Variants in BMP3 observed in about 807,000 individuals in gnomAD.
BMP3 encodes the protein bone morphogenetic protein 3 (osteogenic).
In BMP3, 23 loss-of-function variants were observed where a neutral mutation model predicts 38.1. The observed-to-expected ratio is 0.60, with a 90% CI of 0.43 to 0.86. BMP3 has a LOEUF of 0.86. Ranked by LOEUF, BMP3 falls within the 40% of genes least tolerant of loss-of-function variation. The probability of loss-of-function intolerance (pLI) is 0.00; values close to 1 mark genes in which losing one functional copy is unlikely to be tolerated. For missense variants in BMP3, 628 were observed against 579.6 expected, an observed-to-expected ratio of 1.08 and a Z score of -0.86; for synonymous variants, 258 against 225.7, an observed-to-expected ratio of 1.14 and a Z score of -1.28.
At chr4:81,032,591 G>A (rs1106107) in intron 1 of BMP3, among the ~76,000 whole-genome samples, 103,343 of 152,176 alleles carry the variant, frequency 0.68, 39,676 homozygotes, top group Non-Finnish European at 0.85. Context: ...TGCAAAGCCT[G>A]TCTTCAGTGA....
In BMP3 at chr4:81,046,378, G is replaced by A. The variant is rs61729827; in HGVS notation, c.957G>A (p.Lys319=). 1.9e-4 allele frequency: 314 copies of A among 1,613,976 alleles called. 1 individual carries two copies. The Middle Eastern group carries it at 2.1e-3, about 11-fold the overall frequency. ...AGGATGAGGTGTGGGAGGAGAGAAAGCCTTACAAGACCCTTCAGGCTCAGG... is the reference window on the plus strand; with the variant it reads ...AGGATGAGGTGTGGGAGGAGAGAAAACCTTACAAGACCCTTCAGGCTCAGG... ...YKKDEVWEER[K]PYKTLQAQAP... is the part of the protein sequence containing the mutation. The change falls in exon 2 of 3, where the codon AAG becomes AAA. Residue 319 remains lysine (K), a synonymous_variant. Transcript: ENST00000282701.
chr4:81,037,934 G>T (rs1053283668), intron 1 of BMP3, among the ~76,000 whole-genome samples: 19 of 152,004 alleles, frequency 1.2e-4, no homozygotes, highest in South Asian at 2.1e-4. Context: ...TAGACCCGCG[G>T]AATCAAACTC....
chr4:81,050,796 AAG>A (rs1338510307), intron 2 of BMP3, among the ~76,000 whole-genome samples: 1 of 152,150 alleles, frequency 6.6e-6, no homozygotes, highest in African/African-American at 2.4e-5. Context: ...CCTCATTAGA[AAG>A]AGCTGGTAAG....
chr4:81,048,097 T>A (rs1349734277), intron 2 of BMP3, among the ~76,000 whole-genome samples: 1 of 152,156 alleles, frequency 6.6e-6, no homozygotes, highest in East Asian at 1.9e-4. Flanking sequence ...CATTTTATGT[T>A]TCATAAACCC....
chr4:81,043,119 A>G (rs1740122968), intron 1 of BMP3, among the ~76,000 whole-genome samples: 1 of 152,202 alleles, frequency 6.6e-6, no homozygotes, highest in Non-Finnish European at 1.5e-5. Context: ...TTTTGTTTTT[A>G]CTGAAACATG....
At chr4:81,042,153 C>T (rs1039376517) in intron 1 of BMP3, among the ~76,000 whole-genome samples, 2 of 152,120 alleles carry the variant, frequency 1.3e-5, no homozygotes, top group African/African-American at 4.8e-5. Context: ...GTCACTTTAA[C>T]ACACACTGGC....
intron 2 of BMP3, among the ~76,000 whole-genome samples, chr4:81,053,125 T>G (rs1411885013): frequency 6.6e-6 from 1 of 152,196 alleles, no homozygotes; most frequent in Non-Finnish European, 1.5e-5. Flanking sequence ...GAATTAGAGA[T>G]ACTACATATA....
chr4:81,043,414 T>C (rs1415257746), intron 1 of BMP3, among the ~76,000 whole-genome samples: 1 of 152,216 alleles, frequency 6.6e-6, no homozygotes, highest in Non-Finnish European at 1.5e-5. Context: ...TTGCACTATA[T>C]AGAAAGTTAA....
chr4:81,048,854 A>T (rs954981102), intron 2 of BMP3, among the ~76,000 whole-genome samples: 1 of 152,222 alleles, frequency 6.6e-6, no homozygotes, highest in African/African-American at 2.4e-5. Context: ...TCCAGTGGAT[A>T]TAGGAGTAGA....
chr4:81,049,824 C>A (rs1740361421), intron 2 of BMP3, among the ~76,000 whole-genome samples: 1 of 152,318 alleles, frequency 6.6e-6, no homozygotes, highest in East Asian at 1.9e-4. Context: ...ATCAAGGCCA[C>A]TGGTCAGATC....
At chr4:81,045,552 T>G (rs888556484) in intron 1 of BMP3, among the ~76,000 whole-genome samples, 186 bp from the exon 2 acceptor site, 1 of 152,226 alleles carries the variant, frequency 6.6e-6, no homozygotes, top group Non-Finnish European at 1.5e-5. Context: ...TATCTAAGAA[T>G]GGCTTCATAT....
intron 1 of BMP3, among the ~76,000 whole-genome samples, chr4:81,044,569 T>A (rs1740180074): frequency 6.6e-6 from 1 of 152,242 alleles, no homozygotes; most frequent in Non-Finnish European, 1.5e-5. Flanking sequence ...GTCTATATAG[T>A]TCCAAAATAT....
rs1740534188 is a variant in BMP3 at position 81,055,657 on chromosome 4, A to T, written c.*2121A>T. On this transcript the variant is annotated 3_prime_UTR_variant, in exon 3 of 3. Coordinates refer to ENST00000282701, the MANE Select transcript of BMP3 (RefSeq NM_001201.5). ...TAGGTTTTTTTCTAGAGCTGTATCA[A>T]CCAAAACTTCTGGCAATTCCCAGTA... 1 of 152,160 alleles carries T rather than the reference A, an allele frequency of 6.6e-6. No individual in the cohort carries two copies. Among genetic ancestry groups the T allele is most frequent in the Non-Finnish European group, 1.5e-5 (1 of 68,020 alleles). The allele number at this position is 152,160 out of a possible 1,614,324, so 9.4% of individuals were successfully genotyped here.
intron 1 of BMP3, among the ~76,000 whole-genome samples, chr4:81,039,176 ACTGAGGGTGG>A (rs1219349447): frequency 2.0e-5 from 3 of 152,194 alleles, no homozygotes; most frequent in Non-Finnish European, 4.4e-5. Flanking sequence ...TCAGCCAGTG[ACTGAGGGTGG>A]ATGTGTCCCT....
chr4:81,031,373 C>T lies in BMP3; in HGVS notation c.89C>T (p.Pro30Leu). ...AQGERPKPPF[P>L]ELRKAVPGDR... ...GGAGAGAGACCGAAGCCACCTTTCCCGGAGCTCCGCAAAGCTGTGCCAGGT... is the reference window on the plus strand; with the variant it reads ...GGAGAGAGACCGAAGCCACCTTTCCTGGAGCTCCGCAAAGCTGTGCCAGGT... The change falls in exon 1 of 3, where the codon CCG (proline) becomes CTG (leucine). Residue 30 changes from proline (P) to leucine (L), a missense_variant. By Grantham distance (98) the Pro-to-Leu change is moderately conservative. Transcript: ENST00000282701. 1.2e-6 allele frequency: 2 copies of T among 1,613,334 alleles called. No homozygotes were observed. Among genetic ancestry groups the T allele is most frequent in the Non-Finnish European group, 1.7e-6 (2 of 1,179,786 alleles).
chr4:81,041,462 G>A (rs187649424), intron 1 of BMP3, among the ~76,000 whole-genome samples: 1 of 151,930 alleles, frequency 6.6e-6, no homozygotes, highest in African/African-American at 2.4e-5. Context: ...TTGCTTCTTG[G>A]TTTTTTTTAA....
intron 2 of BMP3, among the ~76,000 whole-genome samples, chr4:81,048,564 T>C (rs1280934563): frequency 6.6e-6 from 1 of 152,198 alleles, no homozygotes; most frequent in African/African-American, 2.4e-5. Context: ...CCACCACAAT[T>C]ACTTCCAATT....
At chr4:81,040,579 CT>C (rs1560511218) in intron 1 of BMP3, among the ~76,000 whole-genome samples, 3 of 152,158 alleles carry the variant, frequency 2.0e-5, no homozygotes, top group African/African-American at 7.2e-5. Context: ...GAAAATAATT[CT>C]CATATCATTG....
rs193192598 is a variant in BMP3 at position 81,043,159 on chromosome 4, G to C, written c.317-2579G>C. The stretch of plus-strand genomic sequence containing the variant: ...TGATCAAGAACATAATTTCACGATT[G>C]CGTGTGTGTTTCTGAAACAAATATG... On this transcript the variant is annotated intron_variant, in intron 1 of 2. Transcript: ENST00000282701. Among the ~76,000 whole-genome samples, 119 of 152,310 alleles carry C rather than the reference G, an allele frequency of 7.8e-4. No homozygotes were observed. In the Middle Eastern group the frequency reaches 0.037, roughly 48 times the overall value.
Sources: gnomAD v4.1 joint callset for allele counts (sites outside exome capture counted in the v4.1 genomes callset) on GRCh38, gnomAD v4.1.1 for gene constraint, MANE v1.5 for transcripts, NCBI Gene and HGNC (gene_info 2026-07-23, HGNC 2026-07-21) for gene names.